Variants in ZNF469 observed in about 807,000 individuals in gnomAD.
ZNF469 encodes the protein zinc finger protein 469.
In ZNF469, 1 loss-of-function variant was observed where a neutral mutation model predicts 1.0. That is an observed-to-expected ratio of 1.00 (90% CI 0.35 to 4.73). ZNF469 has a LOEUF of 4.73. Among genes scored for constraint, ZNF469 ranks in the 30% most tolerant of loss-of-function variants. The probability of loss-of-function intolerance (pLI) is 0.16; values close to 1 mark genes in which losing one functional copy is unlikely to be tolerated. For missense variants in ZNF469, 6,100 were observed against 5,356.3 expected, an observed-to-expected ratio of 1.14 and a Z score of -4.33; for synonymous variants, 2,703 against 2,363.4, an observed-to-expected ratio of 1.14 and a Z score of -4.17.
intron 1 of ZNF469, among the ~76,000 whole-genome samples, chr16:88,395,202 TGTGGATGGATGG>T (rs1345487744): frequency 1.3e-5 from 2 of 149,506 alleles, no homozygotes; most frequent in South Asian, 2.1e-4. Flanking sequence ...TAGGTGGGTA[TGTGGATGGATGG>T]GTGGATGGAT....
chr16:88,135,787 G>T, the ZNF469 span, among the ~76,000 whole-genome samples: 1 of 112,220 alleles, frequency 8.9e-6, no homozygotes, highest in African/African-American at 3.1e-5. Flanking sequence ...TTGGGATGGA[G>T]TCTCGCTCTG....
At chr16:88,388,133 T>C (rs1904386244) in intron 1 of ZNF469, among the ~76,000 whole-genome samples, 1 of 152,156 alleles carries the variant, frequency 6.6e-6, no homozygotes, top group African/African-American at 2.4e-5. Flanking sequence ...AGGGTGTGGA[T>C]AGGCAGGTGA....
the ZNF469 span, among the ~76,000 whole-genome samples, chr16:88,210,656 G>C: frequency 6.6e-6 from 1 of 152,160 alleles, no homozygotes; most frequent in African/African-American, 2.4e-5. Context: ...CTAACCAGTT[G>C]TCCCAGCACC....
At chr16:88,201,987 C>G in the ZNF469 span, among the ~76,000 whole-genome samples, 1 of 152,120 alleles carries the variant, frequency 6.6e-6, no homozygotes, top group South Asian at 2.1e-4. This position sits in a 1 kb window ranked among gnomAD's most constrained non-coding sequence, Gnocchi z 5.0. Flanking sequence ...TGTTCCTCCT[C>G]CCTTTTTGCC....
the ZNF469 span, among the ~76,000 whole-genome samples, chr16:88,165,979 A>T: frequency 6.6e-6 from 1 of 152,058 alleles, no homozygotes; most frequent in African/African-American, 2.4e-5. Flanking sequence ...GGTGTTTTTA[A>T]ACTTTTAAAA....
chr16:88,292,502 G>T, the ZNF469 span, among the ~76,000 whole-genome samples: 1 of 152,174 alleles, frequency 6.6e-6, no homozygotes, highest in African/African-American at 2.4e-5. Flanking sequence ...GTGTGAAGAT[G>T]CTTCACTGGA....
chr16:88,162,150 G>A, the ZNF469 span, among the ~76,000 whole-genome samples: 1 of 152,152 alleles, frequency 6.6e-6, no homozygotes, highest in Non-Finnish European at 1.5e-5. Context: ...AAACATGAGA[G>A]TTGAGAAAAT....
chr16:88,364,899 G>T, the ZNF469 span, among the ~76,000 whole-genome samples: 2 of 152,098 alleles, frequency 1.3e-5, no homozygotes, highest in African/African-American at 4.8e-5. Context: ...CAAGGGGCGG[G>T]GGTTACAGCA....
At chr16:88,395,255 A>G (rs867910439) in intron 1 of ZNF469, among the ~76,000 whole-genome samples, 3 of 118,406 alleles carry the variant, frequency 2.5e-5, no homozygotes, top group African/African-American at 1.0e-4. Flanking sequence ...GGATGGATGG[A>G]TGGATGGATG....
At chr16:88,178,910 C>G in the ZNF469 span, 1 of 129,326 alleles carries the variant, frequency 7.7e-6, no homozygotes, top group Non-Finnish European at 1.8e-5. Flanking sequence ...GGAGGCCGCC[C>G]TTGCTCTTTC....
At chr16:88,362,775 C>G in the ZNF469 span, among the ~76,000 whole-genome samples, 1 of 152,166 alleles carries the variant, frequency 6.6e-6, no homozygotes, top group African/African-American at 2.4e-5. Flanking sequence ...GGAGAAAAAC[C>G]TAACTGCTGT....
the ZNF469 span, among the ~76,000 whole-genome samples, chr16:88,300,473 A>G: frequency 5.9e-5 from 9 of 151,664 alleles, no homozygotes; most frequent in Admixed American, 4.0e-4. Context: ...GGGCCCCGAC[A>G]CTGCTCACAG....
At chr16:88,411,754 G>A (rs1255385832) in intron 1 of ZNF469, among the ~76,000 whole-genome samples, 2 of 152,136 alleles carry the variant, frequency 1.3e-5, no homozygotes, top group Admixed American at 6.5e-5. Context: ...TGTCCATGGC[G>A]AGTGTCTCAC....
At chr16:88,221,503 G>T in the ZNF469 span, among the ~76,000 whole-genome samples, 1 of 152,202 alleles carries the variant, frequency 6.6e-6, no homozygotes, top group African/African-American at 2.4e-5. Flanking sequence ...GGTCTCAGGG[G>T]GACGGGAAGC....
intron 1 of ZNF469, among the ~76,000 whole-genome samples, chr16:88,418,497 G>T (rs1905362860): frequency 6.6e-6 from 1 of 152,172 alleles, no homozygotes; most frequent in Non-Finnish European, 1.5e-5. Context: ...CCAGCTCTCA[G>T]CAATTTCAGT....
At chr16:88,157,846 C>G in the ZNF469 span, among the ~76,000 whole-genome samples, 2 of 151,752 alleles carry the variant, frequency 1.3e-5, no homozygotes, top group Non-Finnish European at 2.9e-5. Context: ...CATGCCCGTA[C>G]AAAGTGCTGG....
At chr16:88,273,538 T>C in the ZNF469 span, among the ~76,000 whole-genome samples, 1 of 152,132 alleles carries the variant, frequency 6.6e-6, no homozygotes, top group Non-Finnish European at 1.5e-5. Flanking sequence ...ACTGGAACCC[T>C]CCTGCAAGGT....
Position 88,438,359 on chromosome 16 carries a change from G to A in ZNF469, c.10889G>A (p.Arg3630His), listed in dbSNP as rs758123475. ...FSGKRRAPGARGRCAPDHFQE... is the reference protein window; with the variant it reads ...FSGKRRAPGAHGRCAPDHFQE... ...GGGAAACGCAGGGCCCCGGGTGCCC[G>A]TGGCAGGTGTGCCCCTGACCATTTC... Residue 3630 changes from arginine (R) to histidine (H), a missense_variant, in exon 3 of 3, where the codon CGT becomes CAT. By Grantham distance (29) the Arg-to-His change is conservative. Coordinates refer to ENST00000565624, the MANE Select transcript of ZNF469 (RefSeq NM_001367624.2). The A allele has an allele frequency of 1.3e-4, 207 of 1,550,178 alleles. 1 individual carries two copies. The highest frequency in any genetic ancestry group is 2.3e-4 in the African/African-American group (17 of 73,168).
At chr16:88,342,151 C>G in the ZNF469 span, among the ~76,000 whole-genome samples, 1 of 152,230 alleles carries the variant, frequency 6.6e-6, no homozygotes, top group South Asian at 2.1e-4. Context: ...ACAGGGGTCT[C>G]CAGCCCTTCG....
Sources: gnomAD v4.1 joint callset for allele counts (sites outside exome capture counted in the v4.1 genomes callset) on GRCh38, gnomAD v4.1.1 for gene constraint, Gnocchi (gnomAD v3.1) non-coding constraint, MANE v1.5 for transcripts, NCBI Gene and HGNC (gene_info 2026-07-23, HGNC 2026-07-21) for gene names.